NUDCD2: variants seen among roughly 807,000 people sequenced by gnomAD.
NUDCD2 encodes the protein nudC domain-containing protein 2.
In NUDCD2, 16 loss-of-function variants were observed where a neutral mutation model predicts 20.8. The observed-to-expected ratio is 0.77, with a 90% CI of 0.52 to 1.17. The LOEUF (loss-of-function observed/expected upper bound fraction) is 1.17, where lower values mean the gene tolerates loss of function less well. NUDCD2 is among the 50% of genes most tolerant of loss of function. The pLI is 0.00. For missense variants in NUDCD2, 199 were observed against 193.9 expected, an observed-to-expected ratio of 1.03 and a Z score of -0.16; for synonymous variants, 87 against 72.8, an observed-to-expected ratio of 1.20 and a Z score of -1.00.
In NUDCD2 at chr5:163,453,780, T is replaced by G. The variant is rs577359596; in HGVS notation, c.*187A>C. The G allele has an allele frequency of 5.1e-6, 2 of 395,922 alleles. No individual in the cohort carries two copies. The highest frequency in any genetic ancestry group is 9.2e-6 in the Non-Finnish European group (2 of 217,408). 24.5% of individuals were successfully genotyped at this position (395,922 alleles called of 1,614,324 possible). A position where few individuals can be genotyped will look rare whatever the true frequency, so the allele number is the denominator to read the frequency against. ...CCAAAACAACTTTACCATATATCCA[T>G]AGAATAGTTCCCACAGTACATTTCC... is the stretch of plus-strand genomic sequence containing the variant. On this transcript the variant is annotated 3_prime_UTR_variant, in exon 4 of 4. Transcript: ENST00000302764.
chr5:163,455,892 G>A (rs181691639), intron 3 of NUDCD2, among the ~76,000 whole-genome samples: 1 of 152,258 alleles, frequency 6.6e-6, no homozygotes, highest in East Asian at 1.9e-4. Flanking sequence ...GGTGAAAAGT[G>A]GCCAAATTCT....
In NUDCD2 at chr5:163,459,903, G is replaced by A. The variant is rs146534526; in HGVS notation, c.148C>T (p.Arg50Trp). 6.2e-7 allele frequency: 1 copy of A among 1,610,908 alleles called. No homozygotes were observed. Among genetic ancestry groups the A allele is most frequent in the Non-Finnish European group, 8.5e-7 (1 of 1,178,834 alleles). ...CCGCCCACCGACAGCGCCACATGCC[G>A]GCTCTGGAGGCCGCACTGGATATCC... ...AQDIQCGLQSRHVALSVGGRE... is the reference protein window; with the variant it reads ...AQDIQCGLQSWHVALSVGGRE... Residue 50 changes from arginine to tryptophan, a missense_variant, in exon 1 of 4, where the codon CGG (arginine) becomes TGG (tryptophan). By Grantham distance (101) the Arg-to-Trp change is moderately radical. Coordinates refer to ENST00000302764, the MANE Select transcript of NUDCD2 (RefSeq NM_145266.6).
rs751526858 is a variant in NUDCD2 at position 163,460,008 on chromosome 5, C to T, written c.43G>A (p.Gly15Arg). ...FEERSGVVPC[G>R]TPWGQWYQTL... ...TGGTACCACTGGCCCCACGGGGTCC[C>T]GCACGGTACCACCCCACTCCGCTCC... Residue 15 changes from glycine (G) to arginine (R), a missense_variant, in exon 1 of 4, where the codon GGG (glycine) becomes AGG (arginine). Gly to Arg is a moderately radical substitution (Grantham distance 125). Coordinates refer to ENST00000302764, the MANE Select transcript of NUDCD2 (RefSeq NM_145266.6). 3 of 1,612,306 alleles carry T rather than the reference C, an allele frequency of 1.9e-6. No homozygotes were observed. The Admixed American group carries it at 5.0e-5, about 27-fold the overall frequency.
chr5:163,458,283 ATGT>A (rs952733876), intron 1 of NUDCD2, among the ~76,000 whole-genome samples: 24 of 151,892 alleles, frequency 1.6e-4, no homozygotes, highest in African/African-American at 5.8e-4. Flanking sequence ...ACCCGGCAAA[ATGT>A]TGTTTTTAAA....
chr5:163,447,822 C>T lies in NUDCD2; in HGVS notation c.*6145G>A, dbSNP rs1301779069. The T allele has an allele frequency of 6.6e-6, 1 of 152,088 alleles. No individual in the cohort carries two copies. Among genetic ancestry groups the T allele is most frequent in the African/African-American group, 2.4e-5 (1 of 41,396 alleles). The allele number at this position is 152,088 out of a possible 1,614,324, so 9.4% of individuals were successfully genotyped here. ...CTCCAAACACTTGGAAATTAAACAA[C>T]ACATTTCTAAATAACTCATGATACT... On this transcript the variant is annotated 3_prime_UTR_variant, in exon 4 of 4. Transcript: ENST00000302764.
Position 163,451,304 on chromosome 5 carries a change from A to C in NUDCD2, c.*2663T>G, listed in dbSNP as rs567059224. 2 of 152,308 alleles carry C rather than the reference A, an allele frequency of 1.3e-5. No homozygotes were observed. Among genetic ancestry groups the C allele is most frequent in the South Asian group, 4.1e-4 (2 of 4,828 alleles). 9.4% of individuals were successfully genotyped at this position (152,308 alleles called of 1,614,324 possible). ...ACAATAAAGCGTTTTTCTTAATTATATATGATCCCATTTATAACATGCTTG... is the reference window on the plus strand; with the variant it reads ...ACAATAAAGCGTTTTTCTTAATTATCTATGATCCCATTTATAACATGCTTG... On this transcript the variant is annotated 3_prime_UTR_variant, in exon 4 of 4. Transcript: ENST00000302764.
intron 3 of NUDCD2, among the ~76,000 whole-genome samples, chr5:163,455,170 G>A (rs1244188564): frequency 6.6e-6 from 1 of 152,008 alleles, no homozygotes; most frequent in South Asian, 2.1e-4. Flanking sequence ...CAGGATAAGG[G>A]AAATAAAATT....
chr5:163,455,025 C>T (rs1284502288), intron 3 of NUDCD2, among the ~76,000 whole-genome samples: 2 of 151,632 alleles, frequency 1.3e-5, no homozygotes, highest in Non-Finnish European at 2.9e-5. Flanking sequence ...AGACAATATA[C>T]AAACAAATGA....
At position 163,453,910 on chromosome 5, in the gene NUDCD2, T is replaced by C; in HGVS notation, c.*57A>G. 1.1e-6 allele frequency: 1 copy of C among 907,996 alleles called. No homozygotes were observed. Among genetic ancestry groups the C allele is most frequent in the East Asian group, 2.7e-5 (1 of 37,092 alleles). The allele number at this position is 907,996 out of a possible 1,614,324, so 56.2% of individuals were successfully genotyped here. ...TTTTTCTTCCATTACATAATCTGTT[T>C]ATCTGATTAAGTTGGCAATATCTGC... On this transcript the variant is annotated 3_prime_UTR_variant, in exon 4 of 4. Coordinates refer to ENST00000302764, the MANE Select transcript of NUDCD2 (RefSeq NM_145266.6).
At chr5:163,457,509 A>G in intron 2 of NUDCD2, 53 bp downstream of exon 2, 1 of 1,047,550 alleles carries the variant, frequency 9.5e-7, no homozygotes. Context: ...AAAGAGGAAA[A>G]GATATCAAGA....
chr5:163,456,464 C>T (rs1244514338), intron 3 of NUDCD2, among the ~76,000 whole-genome samples: 1 of 151,366 alleles, frequency 6.6e-6, no homozygotes, highest in African/African-American at 2.4e-5. Context: ...AAGAGACCCA[C>T]AGCATATTAT....
Position 163,451,046 on chromosome 5 carries a change from G to A in NUDCD2, c.*2921C>T, listed in dbSNP as rs931096275. 2 of 152,128 alleles carry A rather than the reference G, an allele frequency of 1.3e-5. No homozygotes were observed. The highest frequency in any genetic ancestry group is 2.1e-4 in the South Asian group (1 of 4,832). 9.4% of individuals were successfully genotyped at this position (152,128 alleles called of 1,614,324 possible). ...AAGGAAGCCAGTAACCAAAGACCAC[G>A]TATTATGATTCCATGTACATGAAAT... is the stretch of plus-strand genomic sequence containing the variant. On this transcript the variant is annotated 3_prime_UTR_variant, in exon 4 of 4. Transcript: ENST00000302764.
chr5:163,454,342 T>C (rs538868802), intron 3 of NUDCD2, among the ~76,000 whole-genome samples: 1 of 152,280 alleles, frequency 6.6e-6, no homozygotes, highest in East Asian at 1.9e-4. Flanking sequence ...TTTATTTTAT[T>C]TATTATTATT....
Position 163,457,152 on chromosome 5 carries a change from T to G in NUDCD2, c.239-72A>C, listed in dbSNP as rs78823904. On this transcript the variant is annotated intron_variant, in intron 2 of 3. Coordinates refer to ENST00000302764, the MANE Select transcript of NUDCD2 (RefSeq NM_145266.6). ...CTTCATCAAGTTGTTTTTTTTTTTT[T>G]TGAGACAGTATCACTCTCACCCAGG... 3 of 1,457,192 alleles carry G rather than the reference T, an allele frequency of 2.1e-6. No homozygotes were observed. The East Asian group carries it at 7.2e-5, about 35-fold the overall frequency. 90.3% of individuals were successfully genotyped at this position (1,457,192 alleles called of 1,614,324 possible). A position where few individuals can be genotyped will look rare whatever the true frequency, so the allele number is the denominator to read the frequency against.
At chr5:163,457,662 A>T in intron 1 of NUDCD2, 52 bp from the exon 2 acceptor site, 1 of 1,145,042 alleles carries the variant, frequency 8.7e-7, no homozygotes, top group South Asian at 1.3e-5. Flanking sequence ...ATTTTTATAA[A>T]GTTTTCATGA....
In NUDCD2 at chr5:163,448,118, C is replaced by T. The variant is rs1468764901; in HGVS notation, c.*5849G>A. The T allele has an allele frequency of 6.6e-6, 1 of 150,470 alleles. No individual in the cohort carries two copies. The highest frequency in any genetic ancestry group is 2.5e-5 in the African/African-American group (1 of 40,788). 9.3% of individuals were successfully genotyped at this position (150,470 alleles called of 1,614,324 possible). ...AGGCTGCAGTGAGCTATGATCATAA[C>T]ACTACTCCAGTCTGGGTGATGAAGT... On this transcript the variant is annotated 3_prime_UTR_variant, in exon 4 of 4. Transcript: ENST00000302764.
At chr5:163,456,353 A>G (rs1054270867) in intron 3 of NUDCD2, among the ~76,000 whole-genome samples, 11 of 152,234 alleles carry the variant, frequency 7.2e-5, no homozygotes, top group Admixed American at 5.2e-4. Flanking sequence ...AATCTAAATC[A>G]TATCAAAGGC....
chr5:163,457,280 C>G (rs529953721), intron 2 of NUDCD2, among the ~76,000 whole-genome samples, 200 bp from the exon 3 acceptor site: 1 of 151,988 alleles, frequency 6.6e-6, no homozygotes, highest in Admixed American at 6.6e-5. Context: ...TACAGGCATG[C>G]GCCACCATGC....
rs1272265982 is a variant in NUDCD2 at position 163,447,354 on chromosome 5, G to A, written c.*6613C>T. ...TAGTCCTAGGTACTGAGGAGCCTGA[G>A]GTGGGAAGACTGTCTGAGCCCAGGA... On this transcript the variant is annotated 3_prime_UTR_variant, in exon 4 of 4. Coordinates refer to ENST00000302764, the MANE Select transcript of NUDCD2 (RefSeq NM_145266.6). 1.3e-5 allele frequency: 2 copies of A among 151,754 alleles called. No homozygotes were observed. Among genetic ancestry groups the A allele is most frequent in the African/African-American group, 2.4e-5 (1 of 41,314 alleles). 9.4% of individuals were successfully genotyped at this position (151,754 alleles called of 1,614,324 possible).
Sources: gnomAD v4.1 joint callset for allele counts (sites outside exome capture counted in the v4.1 genomes callset) on GRCh38, gnomAD v4.1.1 for gene constraint, MANE v1.5 for transcripts, NCBI Gene and HGNC (gene_info 2026-07-23, HGNC 2026-07-21) for gene names.